The following UGT1A1 variants were observed in gnomAD, a reference collection of about 807,000 sequenced individuals.
UGT1A1 encodes the protein UDP glucuronosyltransferase family 1 member A1.
UGT1A1 carries 33 observed loss-of-function variants against 40.6 expected under a neutral mutation model. The observed-to-expected ratio is 0.81, with a 90% confidence interval of 0.62 to 1.09. The LOEUF (loss-of-function observed/expected upper bound fraction) is 1.09, where lower values mean the gene tolerates loss of function less well. Ranked by LOEUF, UGT1A1 falls within the 50% of genes least tolerant of loss-of-function variation. The pLI, the probability that UGT1A1 is intolerant of heterozygous loss-of-function variation, is 0.00. For missense variants in UGT1A1, 694 were observed against 671.2 expected (o/e 1.03, Z -0.38); for synonymous variants, 249 against 265.0 (o/e 0.94, Z 0.59).
rs569101199 is a variant in UGT1A1, at chr2:233,772,971, C to T, written c.*412C>T. 9.8e-5 allele frequency: 30 copies of T among 306,230 alleles called. No individual in the cohort carries two copies. Among genetic ancestry groups the T allele is most frequent in the African/African-American group, 6.3e-4 (29 of 45,956 alleles). The allele number at this position is 306,230 out of a possible 1,614,324, so 19.0% of individuals were successfully genotyped here. On this transcript the variant is annotated 3_prime_UTR_variant, in exon 5 of 5. Coordinates refer to ENST00000305208, the MANE Select transcript of UGT1A1 (RefSeq NM_000463.3). ...GCAGATGGTTGCAATTGATCCTTAACCAATAATGGTCAGTCCTCATCTCTG... is the reference window on the plus strand; with the variant it reads ...GCAGATGGTTGCAATTGATCCTTAATCAATAATGGTCAGTCCTCATCTCTG...
chr2:233,761,750 G>A (rs1428006312), intron 1 of UGT1A1, among the ~76,000 whole-genome samples: 1 of 152,244 alleles, frequency 6.6e-6, no homozygotes, highest in Non-Finnish European at 1.5e-5. Context: ...AGAGTTTGAA[G>A]TATGCAAAAA....
chr2:233,772,138 AG>A lies in UGT1A1; in HGVS notation c.1305-123del, dbSNP rs1367045628. 6 of 1,548,126 alleles carry A rather than the reference AG, an allele frequency of 3.9e-6. No homozygotes were observed. In the African/African-American group the frequency reaches 8.2e-5, roughly 21 times the overall value. ...TAAAAACAACAACAACAACAATAATAGAAACAGGTTTCCTTTCCCAAGTTTG... is the reference window on the plus strand; with the variant it reads ...TAAAAACAACAACAACAACAATAATAAAACAGGTTTCCTTTCCCAAGTTTG... On this transcript the variant is annotated intron_variant, in intron 4 of 4. Coordinates refer to ENST00000305208, the MANE Select transcript of UGT1A1 (RefSeq NM_000463.3).
rs567983047 is a variant in UGT1A1, at chr2:233,769,352, G to A, written c.1304+913G>A. On this transcript the variant is annotated intron_variant, in intron 4 of 4. Transcript: ENST00000305208. This position sits in a 1 kb window ranked among gnomAD's most constrained non-coding sequence, Gnocchi z 4.4. The stretch of plus-strand genomic sequence containing the variant: ...GCTTATTAGAACCTTATGGGAAGAA[G>A]TGGTGGCCAGTGGTAGATTTCATCC... 6.6e-6 allele frequency among the ~76,000 whole-genome samples: 1 copy of A among 152,372 alleles called. No homozygotes were observed. Among genetic ancestry groups the A allele is most frequent in the East Asian group, 1.9e-4 (1 of 5,194 alleles).
At chr2:233,764,546 TGGGA>T (rs1045982534) in intron 1 of UGT1A1, among the ~76,000 whole-genome samples, 5 of 152,234 alleles carry the variant, frequency 3.3e-5, no homozygotes, top group African/African-American at 1.2e-4. Context: ...AGTGGGCGTG[TGGGA>T]GGGTGTGCCT....
intron 1 of UGT1A1, 142 bp downstream of exon 1, chr2:233,761,293 G>T (rs1697736724): frequency 6.6e-7 from 1 of 1,522,496 alleles, no homozygotes; most frequent in African/African-American, 1.4e-5. Context: ...TTGACTCCTA[G>T]GTTTGAGTCT....
At chr2:233,767,994 T>G (rs1699541043) in intron 3 of UGT1A1, 58 bp downstream of exon 3, 2 of 1,614,136 alleles carry the variant, frequency 1.2e-6, no homozygotes, top group Non-Finnish European at 1.7e-6. Context: ...GAAAATGGCT[T>G]AAGCACAGCT....
intron 1 of UGT1A1, among the ~76,000 whole-genome samples, chr2:233,761,366 G>T (rs541123734): frequency 6.6e-6 from 1 of 152,292 alleles, no homozygotes; most frequent in Admixed American, 6.5e-5. Context: ...GCATTCCTTG[G>T]ACATTTTACT....
rs1699786143 is a variant in UGT1A1 at position 233,769,071 on chromosome 2, C to T, written c.1304+632C>T. Among the ~76,000 whole-genome samples, 1 of 152,122 alleles carries T rather than the reference C, an allele frequency of 6.6e-6. No homozygotes were observed. The highest frequency in any genetic ancestry group is 2.1e-4 in the South Asian group (1 of 4,832). On this transcript the variant is annotated intron_variant, in intron 4 of 4. Transcript: ENST00000305208. The surrounding 1 kb of genome is among the most constrained non-coding windows in gnomAD (Gnocchi z 4.4). ...TAAGTTTCCTGCACAGAAAGAAATA[C>T]TCCATTATAAGAAGCATAGTATCTT...
intron 1 of UGT1A1, among the ~76,000 whole-genome samples, chr2:233,765,584 C>T (rs1030389138): frequency 7.2e-5 from 11 of 151,846 alleles, no homozygotes; most frequent in African/African-American, 4.8e-5. Flanking sequence ...GGGAGGGGAA[C>T]AACACACACC....
Position 233,772,460 on chromosome 2 carries a change from A to C in UGT1A1, c.1503A>C (p.Thr501=), listed in dbSNP as rs1435465707. Residue 501 remains threonine (T), a synonymous_variant, in exon 5 of 5, where the codon ACA becomes ACC. Transcript: ENST00000305208. The part of the protein sequence containing the change: ...VIGFLLAVVL[T]VAFITFKCCA... Reference sequence around the variant, plus strand: ...GTTTCCTCTTGGCCGTCGTGCTGACAGTGGCCTTCATCACCTTTAAATGTT... The same window carrying C: ...GTTTCCTCTTGGCCGTCGTGCTGACCGTGGCCTTCATCACCTTTAAATGTT... 6.2e-7 allele frequency: 1 copy of C among 1,614,184 alleles called. No individual in the cohort carries two copies. Among genetic ancestry groups the C allele is most frequent in the Non-Finnish European group, 8.5e-7 (1 of 1,180,034 alleles).
At chr2:233,766,273 TGGCCCGGGCTC>T (rs1203864514) in intron 1 of UGT1A1, among the ~76,000 whole-genome samples, 29 of 151,808 alleles carry the variant, frequency 1.9e-4, no homozygotes, top group Admixed American at 3.9e-4. Context: ...CCGGGCTCGG[TGGCCCGGGCTC>T]GGTGGCCTGG....
chr2:233,761,996 A>C (rs1212945255), intron 1 of UGT1A1, among the ~76,000 whole-genome samples: 1 of 151,970 alleles, frequency 6.6e-6, no homozygotes, highest in African/African-American at 2.4e-5. Context: ...CCTTATTTCC[A>C]CTATACCTCC....
intron 1 of UGT1A1, among the ~76,000 whole-genome samples, chr2:233,763,057 G>T (rs920282385): frequency 6.6e-6 from 1 of 152,282 alleles, no homozygotes; most frequent in South Asian, 2.1e-4. Context: ...TATTGATTTA[G>T]ATAATTTCCT....
intron 3 of UGT1A1, 102 bp from the exon 4 acceptor site, chr2:233,768,118 G>A (rs1575832144): frequency 6.2e-7 from 1 of 1,600,328 alleles, no homozygotes; most frequent in South Asian, 1.1e-5. Context: ...GCAAGGGCAT[G>A]TGAGTAACAC....
rs371639452 is a variant in UGT1A1 at position 233,765,570 on chromosome 2, C to T, written c.865-1464C>T. 3.9e-5 allele frequency among the ~76,000 whole-genome samples: 6 copies of T among 151,906 alleles called. No individual in the cohort carries two copies. In the South Asian group the frequency reaches 1.0e-3, roughly 26 times the overall value. ...GAGTTGAACAGTGAGAATGCGTAGACGCAGGGAGGGGAACAACACACACCA... is the reference window on the plus strand; with the variant it reads ...GAGTTGAACAGTGAGAATGCGTAGATGCAGGGAGGGGAACAACACACACCA... On this transcript the variant is annotated intron_variant, in intron 1 of 4. Coordinates refer to ENST00000305208, the MANE Select transcript of UGT1A1 (RefSeq NM_000463.3).
rs927905587 is a variant in UGT1A1 at position 233,772,883 on chromosome 2, C to G, written c.*324C>G. The G allele has an allele frequency of 7.2e-6, 4 of 557,122 alleles. No homozygotes were observed. Among genetic ancestry groups the G allele is most frequent in the Admixed American group, 7.5e-5 (2 of 26,828 alleles). 34.5% of individuals were successfully genotyped at this position (557,122 alleles called of 1,614,324 possible). Reference sequence around the variant, plus strand: ...ATGGCCTGTTTGGGAGTGCGGGATTCAAAGGTGGTCCCACGGCTGCCCCTA... The same window carrying G: ...ATGGCCTGTTTGGGAGTGCGGGATTGAAAGGTGGTCCCACGGCTGCCCCTA... On this transcript the variant is annotated 3_prime_UTR_variant, in exon 5 of 5. Transcript: ENST00000305208.
intron 4 of UGT1A1, 67 bp from the exon 5 acceptor site, chr2:233,772,195 G>A (rs1700480706): frequency 1.9e-6 from 3 of 1,602,230 alleles, no homozygotes; most frequent in Non-Finnish European, 2.6e-6. Flanking sequence ...AAGCAGCCAT[G>A]AGCATAAAGA....
Position 233,769,931 on chromosome 2 carries a change from C to A in UGT1A1, c.1304+1492C>A, listed in dbSNP as rs1699987343. 1 of 247,432 alleles carries A rather than the reference C, an allele frequency of 4.0e-6. No homozygotes were observed. Among genetic ancestry groups the A allele is most frequent in the Admixed American group, 5.3e-5 (1 of 18,974 alleles). The allele number at this position is 247,432 out of a possible 1,614,324, so 15.3% of individuals were successfully genotyped here. A position where few individuals can be genotyped will look rare whatever the true frequency, so the allele number is the denominator to read the frequency against. On this transcript the variant is annotated intron_variant, in intron 4 of 4. Transcript: ENST00000305208. The surrounding 1 kb of genome is among the most constrained non-coding windows in gnomAD (Gnocchi z 4.4). Reference sequence around the variant, plus strand: ...CCCAGAGCGTTGGGTGGTGTGGTCCCATTCCTTCCTTCCAGCGGCTTCTTC... The same window carrying A: ...CCCAGAGCGTTGGGTGGTGTGGTCCAATTCCTTCCTTCCAGCGGCTTCTTC...
At chr2:233,761,270 C>G (rs990068200) in intron 1 of UGT1A1, 119 bp downstream of exon 1, 25 of 1,591,850 alleles carry the variant, frequency 1.6e-5, no homozygotes, top group Non-Finnish European at 2.1e-5. Flanking sequence ...AAAATGCCCT[C>G]TTTTGTTAAT....
Sources: gnomAD v4.1 joint callset for allele counts (sites outside exome capture counted in the v4.1 genomes callset) on GRCh38, gnomAD v4.1.1 for gene constraint, Gnocchi (gnomAD v3.1) non-coding constraint, MANE v1.5 for transcripts, NCBI Gene and HGNC (gene_info 2026-07-23, HGNC 2026-07-21) for gene names.